Variants in VCAN observed in about 807,000 individuals in gnomAD.
VCAN encodes the protein versican.
In VCAN, 44 loss-of-function variants were observed where a neutral mutation model predicts 245.5. That is an observed-to-expected ratio of 0.18 (90% CI 0.14 to 0.23). The LOEUF (loss-of-function observed/expected upper bound fraction) is 0.23, where lower values mean the gene tolerates loss of function less well. Among genes scored for constraint, VCAN ranks in the 10% least tolerant of loss-of-function variants. VCAN has a pLI of 1.00. For synonymous variants in VCAN, 1,413 were observed against 1,437.0 expected, an observed-to-expected ratio of 0.98 and a Z score of 0.38; for missense variants, 3,793 against 4,057.9, an observed-to-expected ratio of 0.93 and a Z score of 1.77.
chr5:83,581,130 A>G lies in VCAN; in HGVS notation c.*696A>G. ...CATTCCTTTTTCTTCACTTACAAGAAAGGCCTGAATGGAGGACTTTTCTGT... is the reference window on the plus strand; with the variant it reads ...CATTCCTTTTTCTTCACTTACAAGAGAGGCCTGAATGGAGGACTTTTCTGT... On this transcript the variant is annotated 3_prime_UTR_variant, in exon 15 of 15. Coordinates refer to ENST00000265077, the MANE Select transcript of VCAN (RefSeq NM_004385.5). The G allele has an allele frequency of 6.5e-6, 1 of 153,660 alleles. No individual in the cohort carries two copies. Among genetic ancestry groups the G allele is most frequent in the East Asian group, 1.9e-4 (1 of 5,192 alleles). The allele number at this position is 153,660 out of a possible 1,614,324, so 9.5% of individuals were successfully genotyped here.
chr5:83,555,706 A>C (rs1435697094), intron 12 of VCAN, among the ~76,000 whole-genome samples: 1 of 152,172 alleles, frequency 6.6e-6, no homozygotes, highest in Non-Finnish European at 1.5e-5. Flanking sequence ...TGTCTATACT[A>C]GTGGTACTCA....
intron 8 of VCAN, among the ~76,000 whole-genome samples, chr5:83,544,142 G>A (rs1459453135): frequency 1.3e-5 from 2 of 152,246 alleles, no homozygotes; most frequent in East Asian, 1.9e-4. Context: ...TGGCTATGGC[G>A]TGTGTTAACT....
rs1195093195 is a variant in VCAN at position 83,518,243 on chromosome 5, T to TTTA, written c.1043-1104_1043-1103insATT. On this transcript the variant is annotated intron_variant, in intron 6 of 14. Coordinates refer to ENST00000265077, the MANE Select transcript of VCAN (RefSeq NM_004385.5). ...TTATTTTTAAAAATACTGATTTTTA[T>TTTA]TTTAAAAAAACAATCATTATATAGT... is the stretch of plus-strand genomic sequence containing the variant. 2.0e-5 allele frequency among the ~76,000 whole-genome samples: 3 copies of TTTA among 152,072 alleles called. No individual in the cohort carries two copies. In the East Asian group the frequency reaches 5.8e-4, roughly 29 times the overall value.
intron 2 of VCAN, among the ~76,000 whole-genome samples, chr5:83,484,934 G>GA (rs1384041130): frequency 1.3e-5 from 2 of 152,170 alleles, no homozygotes; most frequent in African/African-American, 4.8e-5. Flanking sequence ...TTGAATAGCA[G>GA]AAAGGTCACT....
rs1363953112 is a variant in VCAN at position 83,472,032 on chromosome 5, G to A, written c.-7+9G>A. Reference sequence around the variant, plus strand: ...ATAAGCCGCCTTCCAAGGTAATCACGTTTCTTTTGTTCCCCCCTTAAAAAA... The same window carrying A: ...ATAAGCCGCCTTCCAAGGTAATCACATTTCTTTTGTTCCCCCCTTAAAAAA... On this transcript the variant is annotated intron_variant, in intron 1 of 14. Coordinates refer to ENST00000265077, the MANE Select transcript of VCAN (RefSeq NM_004385.5). 1 of 354,938 alleles carries A rather than the reference G, an allele frequency of 2.8e-6. No individual in the cohort carries two copies. Among genetic ancestry groups the A allele is most frequent in the Non-Finnish European group, 5.0e-6 (1 of 199,460 alleles). The allele number at this position is 354,938 out of a possible 1,614,324, so 22.0% of individuals were successfully genotyped here. A position where few individuals can be genotyped will look rare whatever the true frequency, so the allele number is the denominator to read the frequency against.
At chr5:83,565,513 T>C (rs965993512) in intron 12 of VCAN, among the ~76,000 whole-genome samples, 4 of 152,090 alleles carry the variant, frequency 2.6e-5, no homozygotes, top group Non-Finnish European at 5.9e-5. Flanking sequence ...AAATTCTGTC[T>C]CTTTTTATTT....
At chr5:83,513,334 T>C (rs1206535618) in intron 6 of VCAN, among the ~76,000 whole-genome samples, 2 of 152,234 alleles carry the variant, frequency 1.3e-5, no homozygotes, top group African/African-American at 4.8e-5. Flanking sequence ...TTCCAATGTA[T>C]CTTGTTATAG....
intron 1 of VCAN, among the ~76,000 whole-genome samples, chr5:83,474,107 C>T (rs940083486): frequency 2.6e-5 from 4 of 152,108 alleles, no homozygotes; most frequent in African/African-American, 7.2e-5. Flanking sequence ...TTGAACCCAA[C>T]GCTAGGGCCC....
In VCAN at chr5:83,519,959, C is replaced by T. The variant is rs1231561849; in HGVS notation, c.1653C>T (p.Thr551=). ...TAACCACAGGTCACTATGGATTCAC[C>T]TTGGGAGAAGAGGATGATGAAGACA... The part of the protein sequence containing the change: ...ELVTTGHYGF[T]LGEEDDEDRT... The change falls in exon 7 of 15, where the codon ACC becomes ACT. Residue 551 remains threonine, a synonymous_variant. Coordinates refer to ENST00000265077, the MANE Select transcript of VCAN (RefSeq NM_004385.5). The T allele has an allele frequency of 1.2e-6, 2 of 1,614,026 alleles. No homozygotes were observed. The highest frequency in any genetic ancestry group is 1.7e-6 in the Non-Finnish European group (2 of 1,179,958).
At chr5:83,522,698 A>T (rs1024678433) in intron 7 of VCAN, among the ~76,000 whole-genome samples, 6 of 152,210 alleles carry the variant, frequency 3.9e-5, no homozygotes, top group Non-Finnish European at 8.8e-5. Flanking sequence ...TTCAGTACTT[A>T]CAATGTGGAC....
At chr5:83,524,187 A>G (rs1284597489) in intron 7 of VCAN, among the ~76,000 whole-genome samples, 2 of 152,150 alleles carry the variant, frequency 1.3e-5, no homozygotes, top group South Asian at 2.1e-4. Flanking sequence ...AAAAAGAACT[A>G]AGTTATAAAT....
chr5:83,555,765 T>C (rs1747645472), intron 12 of VCAN, among the ~76,000 whole-genome samples: 1 of 152,194 alleles, frequency 6.6e-6, no homozygotes, highest in Admixed American at 6.6e-5. Flanking sequence ...TAAAAACTGG[T>C]GCTTAGGCCT....
At position 83,537,181 on chromosome 5, in the gene VCAN, A is replaced by G; in HGVS notation, c.4178A>G (p.Glu1393Gly). 6.2e-7 allele frequency: 1 copy of G among 1,613,818 alleles called. No homozygotes were observed. The highest frequency in any genetic ancestry group is 1.7e-4 in the Middle Eastern group (1 of 6,060). ...CACAGTGAAGAAAATGAAGAAGAAGAAGAAGAGTGTGCAAATGCTACTGAT... is the reference window on the plus strand; with the variant it reads ...CACAGTGAAGAAAATGAAGAAGAAGGAGAAGAGTGTGCAAATGCTACTGAT... ...LYHSEENEEE[E>G]EECANATDVT... Residue 1393 changes from glutamate (E) to glycine (G), a missense_variant, in exon 8 of 15, where the codon GAA (glutamate) becomes GGA (glycine). Physicochemically the swap from Glu to Gly is moderately conservative, Grantham distance 98. This residue lies in a region of VCAN where 3,182 missense variants were observed against 3,250.3 expected (regional missense o/e 0.98). Transcript: ENST00000265077.
chr5:83,565,071 C>A (rs935920784), intron 12 of VCAN, among the ~76,000 whole-genome samples: 1 of 152,036 alleles, frequency 6.6e-6, no homozygotes, highest in South Asian at 2.1e-4. Context: ...CAAGATTTGC[C>A]GCCCCAGTTA....
chr5:83,494,319 A>G (rs1745088559), intron 5 of VCAN, among the ~76,000 whole-genome samples: 1 of 152,196 alleles, frequency 6.6e-6, no homozygotes, highest in African/African-American at 2.4e-5. Context: ...AACACCCCAG[A>G]GCTAACTAAA....
rs546550417 is a variant in VCAN, at chr5:83,528,195, T to C, written c.4003+5886T>C. 1.1e-4 allele frequency among the ~76,000 whole-genome samples: 16 copies of C among 152,228 alleles called. No homozygotes were observed. The South Asian group carries it at 3.3e-3, about 32-fold the overall frequency. ...AGTAGGTGTATGGTGTGACAGATTG[T>C]GAATGGTAGGTGAGGTCAGAAAAAG... On this transcript the variant is annotated intron_variant, in intron 7 of 14. Transcript: ENST00000265077.
At position 83,493,674 on chromosome 5, in the gene VCAN, G is replaced by A. The variant is rs141008923; in HGVS notation, c.574G>A (p.Gly192Arg). ...GCAGCTCTTTGCTGCCTATGAAGAT[G>A]GATTTGAGCAGTGTGACGCAGGCTG... ...PEQLFAAYED[G>R]FEQCDAGWLA... Residue 192 changes from glycine (G) to arginine (R), a missense_variant, in exon 4 of 15, where the codon GGA becomes AGA. Around this residue, in one of 5 missense-constraint regions of VCAN, gnomAD observed 190 missense variants for 288.6 expected, o/e 0.66. Coordinates refer to ENST00000265077, the MANE Select transcript of VCAN (RefSeq NM_004385.5). The A allele has an allele frequency of 2.8e-3, 4,446 of 1,614,170 alleles. 14 individuals are homozygous for A. The highest frequency in any genetic ancestry group is 3.3e-3 in the Non-Finnish European group (3,862 of 1,180,026).
At chr5:83,500,087 A>G (rs1745284309) in intron 5 of VCAN, among the ~76,000 whole-genome samples, 1 of 152,152 alleles carries the variant, frequency 6.6e-6, no homozygotes, top group African/African-American at 2.4e-5. Context: ...GATTTACAGT[A>G]TGTAATCTAC....
chr5:83,580,678 A>C lies in VCAN; in HGVS notation c.*244A>C. 1 of 524,468 alleles carries C rather than the reference A, an allele frequency of 1.9e-6. No individual in the cohort carries two copies. The highest frequency in any genetic ancestry group is 3.3e-6 in the Non-Finnish European group (1 of 300,412). 32.5% of individuals were successfully genotyped at this position (524,468 alleles called of 1,614,324 possible). A position where few individuals can be genotyped will look rare whatever the true frequency, so the allele number is the denominator to read the frequency against. ...CATTTCCAGCCTATCTAATTTCTTT[A>C]GTTTTCTATTTGCCTCCAGTGCAGT... is the stretch of plus-strand genomic sequence containing the variant. On this transcript the variant is annotated 3_prime_UTR_variant, in exon 15 of 15. Coordinates refer to ENST00000265077, the MANE Select transcript of VCAN (RefSeq NM_004385.5).
Sources: allele counts gnomAD v4.1 joint callset (sites outside exome capture counted in the v4.1 genomes callset), GRCh38; gene constraint gnomAD v4.1.1; regional missense constraint gnomAD v4.1.1; transcripts MANE v1.5; gene names NCBI Gene and HGNC (gene_info 2026-07-23, HGNC 2026-07-21).